The following CAND1 variants were observed in gnomAD, a reference collection of about 807,000 sequenced individuals.
The protein encoded by CAND1 is cullin-associated NEDD8-dissociated protein 1.
In CAND1, 7 loss-of-function variants were observed where a neutral mutation model predicts 108.5. The observed-to-expected ratio is 0.06, with a 90% CI of 0.04 to 0.12. CAND1 has a LOEUF of 0.12. CAND1 is among the 10% of genes least tolerant of loss of function. The pLI is 1.00. For missense variants in CAND1, 941 were observed against 1,448.7 expected (o/e 0.65, Z 5.69); for synonymous variants, 534 against 512.0 (o/e 1.04, Z -0.58).
chr12:67,310,328 G>C lies in CAND1; in HGVS notation c.3360+12G>C. The stretch of plus-strand genomic sequence containing the variant: ...ATTATGATATTAAGGTAAGATGTTT[G>C]TGCCTATTTATACAATGTTTTAGAA... On this transcript the variant is annotated intron_variant, in intron 13 of 14. Transcript: ENST00000545606. The C allele has an allele frequency of 5.7e-6, 9 of 1,575,356 alleles. No individual in the cohort carries two copies. Among genetic ancestry groups the C allele is most frequent in the Non-Finnish European group, 7.8e-6 (9 of 1,151,386 alleles).
chr12:67,289,531 T>TA (rs2044703132), intron 2 of CAND1, among the ~76,000 whole-genome samples: 1 of 152,088 alleles, frequency 6.6e-6, no homozygotes, highest in Non-Finnish European at 1.5e-5. Flanking sequence ...GGACCACAGG[T>TA]GCATGCCACC....
In CAND1 at chr12:67,319,928, GAC is replaced by G. The variant is rs1179338378; in HGVS notation, c.*7102_*7103del. 6.6e-6 allele frequency: 1 copy of G among 152,102 alleles called. No homozygotes were observed. The highest frequency in any genetic ancestry group is 1.5e-5 in the Non-Finnish European group (1 of 68,020). The allele number at this position is 152,102 out of a possible 1,614,324, so 9.4% of individuals were successfully genotyped here. On this transcript the variant is annotated 3_prime_UTR_variant, in exon 15 of 15. Coordinates refer to ENST00000545606, the MANE Select transcript of CAND1 (RefSeq NM_018448.5). ...TTTACTGTCATTTCAGTAGAATTTT[GAC>G]ACAATAAATATAAGCACATCAGATT... is the stretch of plus-strand genomic sequence containing the variant.
At chr12:67,271,234 A>G (rs188040277) in intron 1 of CAND1, among the ~76,000 whole-genome samples, 1 of 152,278 alleles carries the variant, frequency 6.6e-6, no homozygotes, top group Non-Finnish European at 1.5e-5. Flanking sequence ...TAGGGCCAAA[A>G]TTAAGATTCT....
intron 7 of CAND1, among the ~76,000 whole-genome samples, chr12:67,301,060 A>G (rs1037069634): frequency 6.6e-6 from 1 of 152,146 alleles, no homozygotes; most frequent in African/African-American, 2.4e-5. Context: ...AATAAAGCTT[A>G]TATTTCTGGG....
rs1433730730 is a variant in CAND1, at chr12:67,314,360, A to G, written c.*1530A>G. On this transcript the variant is annotated 3_prime_UTR_variant, in exon 15 of 15. Transcript: ENST00000545606. Reference sequence around the variant, plus strand: ...TATTAGATTAACAGCTTGATTTTGAATGTTCAGATGATAATGCAGAAGACA... The same window carrying G: ...TATTAGATTAACAGCTTGATTTTGAGTGTTCAGATGATAATGCAGAAGACA... The G allele has an allele frequency of 1.3e-5, 2 of 152,200 alleles. No individual in the cohort carries two copies. The highest frequency in any genetic ancestry group is 2.9e-5 in the Non-Finnish European group (2 of 68,026). The allele number at this position is 152,200 out of a possible 1,614,324, so 9.4% of individuals were successfully genotyped here. A position where few individuals can be genotyped will look rare whatever the true frequency, so the allele number is the denominator to read the frequency against.
chr12:67,292,536 C>T (rs996981153), intron 2 of CAND1, 86 bp from the exon 3 acceptor site: 9 of 882,500 alleles, frequency 1.0e-5, no homozygotes, highest in African/African-American at 1.7e-5. Flanking sequence ...AAGTTCTAGG[C>T]GGAAAGGTTA....
At position 67,316,190 on chromosome 12, in the gene CAND1, C is replaced by T. The variant is rs1414752175; in HGVS notation, c.*3360C>T. 6.6e-6 allele frequency: 1 copy of T among 152,138 alleles called. No homozygotes were observed. The highest frequency in any genetic ancestry group is 1.5e-5 in the Non-Finnish European group (1 of 68,022). 9.4% of individuals were successfully genotyped at this position (152,138 alleles called of 1,614,324 possible). ...TCTTGTTTATGGAATGGAAAATTGA[C>T]AGTATGGTAATAGTTTATTGACTGA... is the stretch of plus-strand genomic sequence containing the variant. On this transcript the variant is annotated 3_prime_UTR_variant, in exon 15 of 15. Coordinates refer to ENST00000545606, the MANE Select transcript of CAND1 (RefSeq NM_018448.5).
chr12:67,305,771 C>T lies in CAND1; in HGVS notation c.2103C>T (p.Ile701=). The T allele has an allele frequency of 6.2e-7, 1 of 1,614,180 alleles. No homozygotes were observed. Among genetic ancestry groups the T allele is most frequent in the Non-Finnish European group, 8.5e-7 (1 of 1,179,992 alleles). The change falls in exon 10 of 15, where the codon ATC becomes ATT. Residue 701 remains isoleucine, a synonymous_variant. Coordinates refer to ENST00000545606, the MANE Select transcript of CAND1 (RefSeq NM_018448.5). This position sits in a 1 kb window ranked among gnomAD's most constrained non-coding sequence, Gnocchi z 4.4. ...TTCTAGATGAGCTCCCACCTCTTAT[C>T]AGCGAAAGTGATATGCATGTTTCAC... ...DAVLDELPPL[I]SESDMHVSQM...
Position 67,310,434 on chromosome 12 carries a change from A to T in CAND1, c.3360+118A>T, listed in dbSNP as rs2044936785. 7.0e-6 allele frequency: 5 copies of T among 711,976 alleles called. No homozygotes were observed. In the Admixed American group the frequency reaches 1.4e-4, roughly 20 times the overall value. 44.1% of individuals were successfully genotyped at this position (711,976 alleles called of 1,614,324 possible). A position where few individuals can be genotyped will look rare whatever the true frequency, so the allele number is the denominator to read the frequency against. On this transcript the variant is annotated intron_variant, in intron 13 of 14. Coordinates refer to ENST00000545606, the MANE Select transcript of CAND1 (RefSeq NM_018448.5). ...AATCAGGTTGTCTGTGAAGATTTTG[A>T]TAAGCATATTGTAAACTATAAAGTG...
In CAND1 at chr12:67,304,760, A is replaced by G. The variant is rs185601011; in HGVS notation, c.1435+14A>G. On this transcript the variant is annotated intron_variant, in intron 9 of 14. Coordinates refer to ENST00000545606, the MANE Select transcript of CAND1 (RefSeq NM_018448.5). ...TACTTGTACCAGGTATGAAAGAAAC[A>G]TAAATCTCTTTTGGGACTTATTGTA... is the stretch of plus-strand genomic sequence containing the variant. 3.1e-6 allele frequency: 5 copies of G among 1,610,928 alleles called. No homozygotes were observed. The highest frequency in any genetic ancestry group is 1.7e-5 in the Admixed American group (1 of 58,910).
Position 67,318,841 on chromosome 12 carries a change from G to T in CAND1, c.*6011G>T, listed in dbSNP as rs911793244. The T allele has an allele frequency of 6.6e-6, 1 of 152,166 alleles. No individual in the cohort carries two copies. The highest frequency in any genetic ancestry group is 2.1e-4 in the South Asian group (1 of 4,826). The allele number at this position is 152,166 out of a possible 1,614,324, so 9.4% of individuals were successfully genotyped here. A position where few individuals can be genotyped will look rare whatever the true frequency, so the allele number is the denominator to read the frequency against. ...GAGAGGTATACACGGGATACTGGGG[G>T]TTAATAATTGAGGGTATGGTCCATT... On this transcript the variant is annotated 3_prime_UTR_variant, in exon 15 of 15. Coordinates refer to ENST00000545606, the MANE Select transcript of CAND1 (RefSeq NM_018448.5).
In CAND1 at chr12:67,305,497, A is replaced by C. The variant is rs1286214035; in HGVS notation, c.1829A>C (p.Asn610Thr). Reference protein sequence around the residue: ...LGDNLGSDLPNTLQIFLERLK... With the variant: ...LGDNLGSDLPTTLQIFLERLK... Reference sequence around the variant, plus strand: ...GACAATTTGGGTTCTGACTTGCCTAATACACTTCAGATTTTCTTGGAGAGA... The same window carrying C: ...GACAATTTGGGTTCTGACTTGCCTACTACACTTCAGATTTTCTTGGAGAGA... The change falls in exon 10 of 15, where the codon AAT (asparagine) becomes ACT (threonine). Residue 610 changes from asparagine (N) to threonine (T), a missense_variant. Asn to Thr is a moderately conservative substitution (Grantham distance 65, BLOSUM62 0). Around this residue, in one of 9 missense-constraint regions of CAND1, gnomAD observed 697 missense variants for 942.0 expected, o/e 0.74. Coordinates refer to ENST00000545606, the MANE Select transcript of CAND1 (RefSeq NM_018448.5). This position sits in a 1 kb window ranked among gnomAD's most constrained non-coding sequence, Gnocchi z 4.4. The C allele has an allele frequency of 2.5e-6, 4 of 1,613,878 alleles. No individual in the cohort carries two copies. The highest frequency in any genetic ancestry group is 3.4e-6 in the Non-Finnish European group (4 of 1,180,002).
At chr12:67,309,438 G>C (rs2044925620) in intron 11 of CAND1, among the ~76,000 whole-genome samples, 1 of 151,946 alleles carries the variant, frequency 6.6e-6, no homozygotes, top group Non-Finnish European at 1.5e-5. Flanking sequence ...TTGTATATCT[G>C]CTAATAGTAC....
rs529458265 is a variant in CAND1 at position 67,285,351 on chromosome 12, C to G, written c.212+3298C>G. ...TCCACATCATAAAGTTTTTGGTTCTCTTCAGGTTACTTTTATGCTAAACTA... is the reference window on the plus strand; with the variant it reads ...TCCACATCATAAAGTTTTTGGTTCTGTTCAGGTTACTTTTATGCTAAACTA... On this transcript the variant is annotated intron_variant, in intron 2 of 14. Transcript: ENST00000545606. Among the ~76,000 whole-genome samples, 10 of 152,274 alleles carry G rather than the reference C, an allele frequency of 6.6e-5. No homozygotes were observed. In the East Asian group the frequency reaches 1.9e-3, roughly 29 times the overall value.
rs144591336 is a variant in CAND1, at chr12:67,312,763, C to T, written c.3626C>T (p.Ala1209Val). ...QSQISSNPEL[A>V]AIFESIQKDS... is the part of the protein sequence containing the mutation. ...CAGATCAGTTCTAACCCTGAGCTGG[C>T]GGCTATCTTTGAAAGTATCCAGAAA... Residue 1209 changes from alanine to valine, a missense_variant, in exon 15 of 15, where the codon GCG becomes GTG. By Grantham distance (64) the Ala-to-Val change is moderately conservative. Around this residue, in one of 9 missense-constraint regions of CAND1, gnomAD observed 39 missense variants for 51.3 expected, o/e 0.76. Transcript: ENST00000545606. 5.9e-5 allele frequency: 95 copies of T among 1,613,576 alleles called. No individual in the cohort carries two copies. The highest frequency in any genetic ancestry group is 1.3e-4 in the East Asian group (6 of 44,870).
intron 2 of CAND1, among the ~76,000 whole-genome samples, chr12:67,291,809 G>A (rs2044724976): frequency 6.6e-6 from 1 of 152,116 alleles, no homozygotes; most frequent in African/African-American, 2.4e-5. Context: ...TCTATATGTT[G>A]GATGGAACTT....
intron 2 of CAND1, among the ~76,000 whole-genome samples, chr12:67,292,344 C>T (rs1283563537): frequency 6.6e-6 from 1 of 152,128 alleles, no homozygotes; most frequent in Non-Finnish European, 1.5e-5. Flanking sequence ...TATTTGTCAA[C>T]TAATTAGCTT....
intron 10 of CAND1, 74 bp from the exon 11 acceptor site, chr12:67,307,323 G>A (rs812325): frequency 0.69 from 676,763 of 974,142 alleles, 240,052 homozygotes; most frequent in African/African-American, 0.9. Context: ...GTGTTATTTG[G>A]AGTGGTTTAA....
At position 67,316,039 on chromosome 12, in the gene CAND1, T is replaced by C. The variant is rs763092503; in HGVS notation, c.*3209T>C. On this transcript the variant is annotated 3_prime_UTR_variant, in exon 15 of 15. Coordinates refer to ENST00000545606, the MANE Select transcript of CAND1 (RefSeq NM_018448.5). ...TGCCAATCTCTGGATATATTATGCTTAGTAAGTGTTTTGAAATTAAAGACC... is the reference window on the plus strand; with the variant it reads ...TGCCAATCTCTGGATATATTATGCTCAGTAAGTGTTTTGAAATTAAAGACC... 2.2e-4 allele frequency: 34 copies of C among 152,220 alleles called. No individual in the cohort carries two copies. The highest frequency in any genetic ancestry group is 1.2e-3 in the Admixed American group (18 of 15,274). 9.4% of individuals were successfully genotyped at this position (152,220 alleles called of 1,614,324 possible). A position where few individuals can be genotyped will look rare whatever the true frequency, so the allele number is the denominator to read the frequency against.
Sources: allele counts gnomAD v4.1 joint callset (sites outside exome capture counted in the v4.1 genomes callset), GRCh38; gene constraint gnomAD v4.1.1; regional missense constraint gnomAD v4.1.1; non-coding constraint Gnocchi (gnomAD v3.1); transcripts MANE v1.5; gene names NCBI Gene and HGNC (gene_info 2026-07-23, HGNC 2026-07-21).